SLC49A4: variants seen among roughly 807,000 people sequenced by gnomAD.
The protein encoded by SLC49A4 is disrupted in renal cancer protein 2.
A neutral mutation model predicts 50.6 loss-of-function variants in SLC49A4; 36 were observed. The ratio of observed to expected loss-of-function variants is 0.71; its 90% CI spans 0.55 to 0.94. The LOEUF (loss-of-function observed/expected upper bound fraction) is 0.94. SLC49A4 is among the 40% of genes least tolerant of loss of function. The probability of loss-of-function intolerance (pLI) is 0.00; values close to 1 mark genes in which losing one functional copy is unlikely to be tolerated. For missense variants in SLC49A4, 503 were observed against 605.7 expected, an observed-to-expected ratio of 0.83 and a Z score of 1.78; for synonymous variants, 248 against 241.2, an observed-to-expected ratio of 1.03 and a Z score of -0.26.
At chr3:122,796,278 C>G (rs549140279) in intron 1 of SLC49A4, among the ~76,000 whole-genome samples, 3 of 152,288 alleles carry the variant, frequency 2.0e-5, no homozygotes, top group Admixed American at 6.5e-5. Flanking sequence ...TGACAGTCTA[C>G]CCTCAAGAGG....
At chr3:122,846,647 A>G (rs1200458949) in intron 5 of SLC49A4, among the ~76,000 whole-genome samples, 1 of 152,228 alleles carries the variant, frequency 6.6e-6, no homozygotes, top group African/African-American at 2.4e-5. Context: ...TAATCCTACC[A>G]GCAAAAATTT....
Position 122,828,322 on chromosome 3 carries a change from A to T in SLC49A4, c.703+1257A>T, listed in dbSNP as rs193084949. On this transcript the variant is annotated intron_variant, in intron 3 of 8. Coordinates refer to ENST00000261038, the MANE Select transcript of SLC49A4 (RefSeq NM_032839.3). ...TACAATTGCTCTGAGAGCTCGGAGAAGGAGCACCTAACCCAGATTTTGGAG... is the reference window on the plus strand; with the variant it reads ...TACAATTGCTCTGAGAGCTCGGAGATGGAGCACCTAACCCAGATTTTGGAG... Among the ~76,000 whole-genome samples, 136 of 152,322 alleles carry T rather than the reference A, an allele frequency of 8.9e-4. 2 individuals carry two copies. The highest frequency in any genetic ancestry group is 2.5e-3 in the East Asian group (13 of 5,184).
At chr3:122,857,240 A>T (rs762802284) in intron 6 of SLC49A4, among the ~76,000 whole-genome samples, 1 of 140,934 alleles carries the variant, frequency 7.1e-6, no homozygotes, top group Non-Finnish European at 1.5e-5. Flanking sequence ...ACAACAACAC[A>T]TTGTTAGAAT....
chr3:122,798,731 A>G (rs1448890358), intron 1 of SLC49A4, among the ~76,000 whole-genome samples: 3 of 139,900 alleles, frequency 2.1e-5, no homozygotes, highest in Admixed American at 1.6e-4. Context: ...TGCAACCTCA[A>G]CCTCCCTGGG....
chr3:122,873,788 G>C (rs1170688792), intron 8 of SLC49A4, among the ~76,000 whole-genome samples: 1 of 152,182 alleles, frequency 6.6e-6, no homozygotes, highest in Non-Finnish European at 1.5e-5. Flanking sequence ...CAGGTTCTTT[G>C]CTTCCAATTA....
chr3:122,865,022 AT>A (rs1315747639), intron 7 of SLC49A4, among the ~76,000 whole-genome samples: 1 of 152,134 alleles, frequency 6.6e-6, no homozygotes, highest in East Asian at 1.9e-4. Context: ...AAAAAGAAAA[AT>A]AAAAGGGCAT....
At chr3:122,851,806 T>C (rs1035854072) in intron 5 of SLC49A4, among the ~76,000 whole-genome samples, 2 of 152,102 alleles carry the variant, frequency 1.3e-5, no homozygotes, top group Admixed American at 6.6e-5. Context: ...TGTGTCTCTT[T>C]TGCCTTTCTT....
chr3:122,835,375 T>C (rs1936665306), intron 4 of SLC49A4, among the ~76,000 whole-genome samples: 2 of 152,014 alleles, frequency 1.3e-5, no homozygotes, highest in African/African-American at 4.8e-5. Flanking sequence ...AAATCCTTAA[T>C]AAAAACACTA....
At chr3:122,845,613 T>TG (rs1936836956) in intron 4 of SLC49A4, 150 bp from the exon 5 acceptor site, 1 of 384,372 alleles carries the variant, frequency 2.6e-6, no homozygotes, top group Non-Finnish European at 4.5e-6. Context: ...GCACGTTTTT[T>TG]TTTTTTTTTT....
At chr3:122,847,350 A>T (rs1259186597) in intron 5 of SLC49A4, among the ~76,000 whole-genome samples, 7 of 139,210 alleles carry the variant, frequency 5.0e-5, no homozygotes, top group Non-Finnish European at 1.1e-4. Context: ...ACAGTGTACA[A>T]TTTTTTTTTT....
intron 1 of SLC49A4, among the ~76,000 whole-genome samples, chr3:122,806,165 AT>A (rs1387417672): frequency 6.6e-6 from 1 of 152,030 alleles, no homozygotes; most frequent in East Asian, 1.9e-4. Flanking sequence ...GTTTTTTTTT[AT>A]TAGCAGCTTA....
At chr3:122,832,267 A>G (rs1383194720) in intron 3 of SLC49A4, among the ~76,000 whole-genome samples, 1 of 152,184 alleles carries the variant, frequency 6.6e-6, no homozygotes, top group Non-Finnish European at 1.5e-5. Context: ...CTTTTCTACT[A>G]GGGCTGTGCT....
chr3:122,853,828 C>T (rs1027559662), intron 5 of SLC49A4, among the ~76,000 whole-genome samples: 8 of 152,166 alleles, frequency 5.3e-5, no homozygotes, highest in African/African-American at 1.9e-4. Flanking sequence ...GAAGTCCTTC[C>T]AAGTATCTTT....
intron 1 of SLC49A4, among the ~76,000 whole-genome samples, chr3:122,804,726 C>T: frequency 6.6e-6 from 1 of 152,206 alleles, no homozygotes; most frequent in Non-Finnish European, 1.5e-5. Flanking sequence ...TTCAAGGGAT[C>T]CTCCCACCTT....
chr3:122,796,748 G>C (rs369456855), intron 1 of SLC49A4, among the ~76,000 whole-genome samples: 9 of 152,104 alleles, frequency 5.9e-5, no homozygotes, highest in African/African-American at 1.9e-4. Flanking sequence ...GAGGCCTGGC[G>C]CAGTGGCTCA....
chr3:122,824,281 A>G (rs544212237), intron 2 of SLC49A4, among the ~76,000 whole-genome samples: 1 of 152,182 alleles, frequency 6.6e-6, no homozygotes, highest in African/African-American at 2.4e-5. Flanking sequence ...TAAACCAAGA[A>G]CCCATCTGAA....
rs1378982048 is a variant in SLC49A4, at chr3:122,795,078, G to A, written c.-115G>A. 5.1e-6 allele frequency: 6 copies of A among 1,185,582 alleles called. No individual in the cohort carries two copies. Among genetic ancestry groups the A allele is most frequent in the Non-Finnish European group, 6.3e-6 (6 of 949,616 alleles). 73.4% of individuals were successfully genotyped at this position (1,185,582 alleles called of 1,614,324 possible). A position where few individuals can be genotyped will look rare whatever the true frequency, so the allele number is the denominator to read the frequency against. ...CAGGCGCACCAGGCGCGGTCCGGAG[G>A]CCGAGGGCGACCACAGCAGCCTCCG... On this transcript the variant is annotated 5_prime_UTR_variant, in exon 1 of 9. Coordinates refer to ENST00000261038, the MANE Select transcript of SLC49A4 (RefSeq NM_032839.3).
At chr3:122,824,575 TTCTC>T (rs1347997272) in intron 2 of SLC49A4, among the ~76,000 whole-genome samples, 1 of 151,886 alleles carries the variant, frequency 6.6e-6, no homozygotes, top group Non-Finnish European at 1.5e-5. Flanking sequence ...TCTTCTTTCT[TTCTC>T]TTTCTTTCTT....
chr3:122,843,343 C>T (rs550458002), intron 4 of SLC49A4, among the ~76,000 whole-genome samples: 1 of 152,206 alleles, frequency 6.6e-6, no homozygotes, highest in South Asian at 2.1e-4. Flanking sequence ...CTTTGTACCA[C>T]CCACTTCCCA....
Sources: gnomAD v4.1 joint callset for allele counts (sites outside exome capture counted in the v4.1 genomes callset) on GRCh38, gnomAD v4.1.1 for gene constraint, MANE v1.5 for transcripts, NCBI Gene and HGNC (gene_info 2026-07-23, HGNC 2026-07-21) for gene names.